DENND3: variants seen among roughly 807,000 people sequenced by gnomAD.
The protein encoded by DENND3 is DENN domain containing 3, also known as DENN domain-containing protein 3.
Under a neutral mutation model 135.1 loss-of-function variants are expected in DENND3, and 88 were observed. The ratio of observed to expected loss-of-function variants is 0.65; its 90% CI spans 0.55 to 0.78. DENND3 has a LOEUF of 0.78. DENND3 is among the 30% of genes least tolerant of loss of function. DENND3 has a pLI of 0.00. For missense variants in DENND3, 1,392 were observed against 1,688.4 expected, an observed-to-expected ratio of 0.82 and a Z score of 3.08; for synonymous variants, 693 against 712.3, an observed-to-expected ratio of 0.97 and a Z score of 0.43.
intron 13 of DENND3, among the ~76,000 whole-genome samples, chr8:141,172,406 T>C (rs1353208288): frequency 6.6e-6 from 1 of 152,142 alleles, no homozygotes; most frequent in East Asian, 1.9e-4. Context: ...TTGCTGCTCC[T>C]CCCTTGGTTG....
intron 22 of DENND3, 84 bp from the exon 23 acceptor site, chr8:141,193,948 GT>G: frequency 6.9e-7 from 1 of 1,448,774 alleles, no homozygotes; most frequent in Non-Finnish European, 9.5e-7. Context: ...AGGCACACGC[GT>G]CAATTCTGGG....
chr8:141,172,086 G>A (rs377048788), intron 13 of DENND3, among the ~76,000 whole-genome samples: 6 of 147,540 alleles, frequency 4.1e-5, no homozygotes, highest in East Asian at 2.0e-4. Context: ...GGGTGGGTGT[G>A]CGCAGTGGTG....
At chr8:141,162,281 A>T (rs749429876) in intron 9 of DENND3, among the ~76,000 whole-genome samples, 2 of 151,746 alleles carry the variant, frequency 1.3e-5, no homozygotes, top group African/African-American at 2.4e-5. Context: ...CTTATGAACA[A>T]TTTTTTTTTA....
At chr8:141,161,537 A>G (rs1454704142) in intron 9 of DENND3, among the ~76,000 whole-genome samples, 1 of 152,226 alleles carries the variant, frequency 6.6e-6, no homozygotes, top group Non-Finnish European at 1.5e-5. Flanking sequence ...TAAGGAATGT[A>G]TGGCAAAAAT....
intron 4 of DENND3, chr8:141,142,441 G>A (rs190902797): frequency 3.4e-4 from 153 of 455,980 alleles, no homozygotes; most frequent in Non-Finnish European, 5.7e-4. Flanking sequence ...CCAGAGGGAC[G>A]AGCCCCATGG....
At chr8:141,180,891 C>T (rs1823011262) in intron 17 of DENND3, 37 bp downstream of exon 17, 4 of 1,561,240 alleles carry the variant, frequency 2.6e-6, no homozygotes, top group Non-Finnish European at 3.5e-6. Context: ...TGCCAGTTTT[C>T]AGCCAATCTG....
chr8:141,149,782 T>G (rs1190165951), intron 5 of DENND3, among the ~76,000 whole-genome samples: 1 of 152,378 alleles, frequency 6.6e-6, no homozygotes, highest in East Asian at 1.9e-4. Flanking sequence ...TTCCTTTTTC[T>G]CATCAACATT....
chr8:141,146,567 G>A lies in DENND3; in HGVS notation c.735+2308G>A, dbSNP rs1439547577. Among the ~76,000 whole-genome samples the A allele has an allele frequency of 1.3e-5, 2 of 152,142 alleles. No individual in the cohort carries two copies. The highest frequency in any genetic ancestry group is 2.4e-5 in the African/African-American group (1 of 41,412). ...GTGCTAGTCCTCTGAAAGATTATAC[G>A]TATTAATCTTGATCTTCTACATTTT... On this transcript the variant is annotated intron_variant, in intron 5 of 22. Coordinates refer to ENST00000519811, the MANE Select transcript of DENND3 (RefSeq NM_001352890.3). This position sits in a 1 kb window ranked among gnomAD's most constrained non-coding sequence, Gnocchi z 4.3.
chr8:141,190,443 C>A, intron 20 of DENND3, 26 bp downstream of exon 20: 1 of 1,588,996 alleles, frequency 6.3e-7, no homozygotes. Context: ...GCCATCAGAG[C>A]GGGCACCCTA....
rs1817376261 is a variant in DENND3, at chr8:141,140,938, G to A, written c.502-265G>A. Reference sequence around the variant, plus strand: ...GGGTCTTACTGTGTTCTAATCGTGTGTTCCTTTTTATCTCAAGGCTGTCAG... The same window carrying A: ...GGGTCTTACTGTGTTCTAATCGTGTATTCCTTTTTATCTCAAGGCTGTCAG... On this transcript the variant is annotated intron_variant, in intron 3 of 22. Transcript: ENST00000519811. Among the ~76,000 whole-genome samples the A allele has an allele frequency of 2.6e-5, 4 of 152,214 alleles. No individual in the cohort carries two copies. The South Asian group carries it at 8.3e-4, about 32-fold the overall frequency.
intron 2 of DENND3, among the ~76,000 whole-genome samples, 175 bp downstream of exon 2, chr8:141,136,966 T>TTATATTTA (rs1816861208): frequency 6.6e-6 from 1 of 152,018 alleles, no homozygotes; most frequent in Non-Finnish European, 1.5e-5. Flanking sequence ...TTTTAATTTT[T>TTATATTTA]TATATTTATT....
In DENND3 at chr8:141,138,644, C is replaced by T. The variant is rs970231348; in HGVS notation, c.501+507C>T. ...CAGGTGATCCACCCGCCTCAGCCTC[C>T]CAAAGTGCTGGGATTACAGGTGTGA... is the stretch of plus-strand genomic sequence containing the variant. On this transcript the variant is annotated intron_variant, in intron 3 of 22. Transcript: ENST00000519811. The surrounding 1 kb of genome is among the most constrained non-coding windows in gnomAD (Gnocchi z 4.8). 6.6e-6 allele frequency among the ~76,000 whole-genome samples: 1 copy of T among 152,172 alleles called. No homozygotes were observed. The highest frequency in any genetic ancestry group is 2.4e-5 in the African/African-American group (1 of 41,432).
At position 141,174,982 on chromosome 8, in the gene DENND3, C is replaced by T. The variant is rs1822140825; in HGVS notation, c.2276-218C>T. Among the ~76,000 whole-genome samples the T allele has an allele frequency of 1.3e-5, 2 of 152,222 alleles. No individual in the cohort carries two copies. Among genetic ancestry groups the T allele is most frequent in the Admixed American group, 1.3e-4 (2 of 15,284 alleles). On this transcript the variant is annotated intron_variant, in intron 13 of 22. Coordinates refer to ENST00000519811, the MANE Select transcript of DENND3 (RefSeq NM_001352890.3). This position sits in a 1 kb window ranked among gnomAD's most constrained non-coding sequence, Gnocchi z 4.6. The stretch of plus-strand genomic sequence containing the variant: ...GGCTGGAAAGGGCTGCGGGCTCAGC[C>T]TAGATCGTGTGCCCCTCCCTTGACA...
At chr8:141,191,638 A>G (rs1464471557) in intron 20 of DENND3, 1 of 152,328 alleles carries the variant, frequency 6.6e-6, no homozygotes, top group African/African-American at 2.4e-5. Context: ...TGGCTCCCTC[A>G]TGGCTGATGG....
intron 3 of DENND3, among the ~76,000 whole-genome samples, chr8:141,140,004 C>G (rs1475474599): frequency 6.6e-6 from 1 of 151,994 alleles, no homozygotes; most frequent in Non-Finnish European, 1.5e-5. Flanking sequence ...AACTCCAGGG[C>G]TAGCTCAAGT....
chr8:141,189,917 G>A (rs572384706), intron 19 of DENND3, among the ~76,000 whole-genome samples: 9 of 152,298 alleles, frequency 5.9e-5, no homozygotes, highest in South Asian at 2.1e-4. Flanking sequence ...GTGTGAACGG[G>A]GACCGCTGAC....
In DENND3 at chr8:141,168,983, T is replaced by C. The variant is rs191845004; in HGVS notation, c.2275+458T>C. ...AAGTGATTCTCCTGTCTTAACCTCC[T>C]GAGTAGCTGGGATTATAGGCATGCG... On this transcript the variant is annotated intron_variant, in intron 13 of 22. Transcript: ENST00000519811. This position sits in a 1 kb window ranked among gnomAD's most constrained non-coding sequence, Gnocchi z 6.2. Among the ~76,000 whole-genome samples the C allele has an allele frequency of 6.6e-4, 100 of 152,248 alleles. 1 individual carries two copies. Among genetic ancestry groups the C allele is most frequent in the Non-Finnish European group, 1.2e-3 (79 of 68,012 alleles).
In DENND3 at chr8:141,168,424, A is replaced by G. The variant is rs1569556189; in HGVS notation, c.2174A>G (p.Lys725Arg). The change falls in exon 13 of 23, where the codon AAG (lysine) becomes AGG (arginine). Residue 725 changes from lysine (K) to arginine (R), a missense_variant. By Grantham distance (26) the Lys-to-Arg change is conservative. Coordinates refer to ENST00000519811, the MANE Select transcript of DENND3 (RefSeq NM_001352890.3). The surrounding 1 kb of genome is among the most constrained non-coding windows in gnomAD (Gnocchi z 6.2). ...CACGTGAAGAAGTTCAAGCTGCCCAAGAAGCACATGCAGCTGGGCGACTTC... is the reference window on the plus strand; with the variant it reads ...CACGTGAAGAAGTTCAAGCTGCCCAGGAAGCACATGCAGCTGGGCGACTTC... Reference protein sequence around the residue: ...DDHVKKFKLPKKHMQLGDFMK... With the variant: ...DDHVKKFKLPRKHMQLGDFMK... 1.9e-6 allele frequency: 3 copies of G among 1,613,914 alleles called. No homozygotes were observed. Among genetic ancestry groups the G allele is most frequent in the South Asian group, 1.1e-5 (1 of 91,088 alleles).
rs184649112 is a variant in DENND3 at position 141,174,600 on chromosome 8, C to G, written c.2276-600C>G. 1.2e-4 allele frequency among the ~76,000 whole-genome samples: 18 copies of G among 152,290 alleles called. No homozygotes were observed. The South Asian group carries it at 1.5e-3, about 12-fold the overall frequency. ...GCTCAGGCTCCTCTGACTCCAGAGC[C>G]CGTGAGTGCTGGCCTCGTGGGAAGG... On this transcript the variant is annotated intron_variant, in intron 13 of 22. Transcript: ENST00000519811. The surrounding 1 kb of genome is among the most constrained non-coding windows in gnomAD (Gnocchi z 4.6).
Sources: gnomAD v4.1 joint callset for allele counts (sites outside exome capture counted in the v4.1 genomes callset) on GRCh38, gnomAD v4.1.1 for gene constraint, Gnocchi (gnomAD v3.1) non-coding constraint, MANE v1.5 for transcripts, NCBI Gene and HGNC (gene_info 2026-07-23, HGNC 2026-07-21) for gene names.